Variants in TRIM46 observed in about 807,000 individuals in gnomAD.
The protein encoded by TRIM46 is tripartite motif-containing protein 46.
In TRIM46, 17 loss-of-function variants were observed where a neutral mutation model predicts 69.7. That is an observed-to-expected ratio of 0.24 (90% CI 0.17 to 0.37). TRIM46 has a LOEUF of 0.37. TRIM46 is among the 10% of genes least tolerant of loss of function. The pLI is 1.00. For missense variants in TRIM46, 675 were observed against 1,025.1 expected, an observed-to-expected ratio of 0.66 and a Z score of 4.66; for synonymous variants, 391 against 429.0, an observed-to-expected ratio of 0.91 and a Z score of 1.09.
intron 9 of TRIM46, chr1:155,182,480 C>G: frequency 2.1e-6 from 1 of 480,808 alleles, no homozygotes; most frequent in South Asian, 4.1e-5. Flanking sequence ...CTTCCTAACA[C>G]TCCATTTCCA....
chr1:155,175,944 T>C lies in TRIM46; in HGVS notation c.382T>C (p.Phe128Leu). The C allele has an allele frequency of 6.2e-7, 1 of 1,605,742 alleles. No homozygotes were observed. The highest frequency in any genetic ancestry group is 1.3e-5 in the African/African-American group (1 of 74,956). Residue 128 changes from phenylalanine (F) to leucine (L), a missense_variant, in exon 3 of 10, where the codon TTC (phenylalanine) becomes CTC (leucine). Physicochemically the swap from Phe to Leu is conservative, Grantham distance 22. Transcript: ENST00000334634. This position sits in a 1 kb window ranked among gnomAD's most constrained non-coding sequence, Gnocchi z 4.2. ...TGCTTTGCACCCCCAAGTGATCATG[T>C]TCCCGTGCCCAGCCTGCCAAGGTGA... is the stretch of plus-strand genomic sequence containing the variant. ...RGALHPQVIM[F>L]PCPACQGDVE...
At position 155,181,820 on chromosome 1, in the gene TRIM46, T is replaced by C; in HGVS notation, c.1589-32T>C. ...GTGCCAGTGTTTGTCCCTGAAGTTC[T>C]TGCTCCATCTCAACCCTCTCCCTCC... On this transcript the variant is annotated intron_variant, in intron 8 of 9. Coordinates refer to ENST00000334634, the MANE Select transcript of TRIM46 (RefSeq NM_025058.5). This position sits in a 1 kb window ranked among gnomAD's most constrained non-coding sequence, Gnocchi z 4.3. The C allele has an allele frequency of 6.3e-7, 1 of 1,585,478 alleles. No individual in the cohort carries two copies. The highest frequency in any genetic ancestry group is 8.6e-7 in the Non-Finnish European group (1 of 1,161,612).
intron 1 of TRIM46, chr1:155,174,576 C>T: frequency 6.6e-7 from 1 of 1,519,776 alleles, no homozygotes; most frequent in Non-Finnish European, 8.8e-7. Context: ...TCCCCCCCTC[C>T]TTGTTCCTCC....
intron 5 of TRIM46, 64 bp from the exon 6 acceptor site, chr1:155,177,938 C>A: frequency 4.4e-6 from 7 of 1,575,340 alleles, no homozygotes; most frequent in Admixed American, 3.5e-5. Flanking sequence ...GAGGCCAGCA[C>A]AAGTGCTGCC....
At chr1:155,182,249 G>T in intron 9 of TRIM46, 100 bp downstream of exon 9, 1 of 1,291,560 alleles carries the variant, frequency 7.7e-7, no homozygotes. Context: ...GGGTGGGGCT[G>T]GGAGGGGATT....
At chr1:155,176,307 G>A in intron 3 of TRIM46, 76 bp downstream of exon 3, 2 of 1,339,966 alleles carry the variant, frequency 1.5e-6, no homozygotes, top group Non-Finnish European at 2.0e-6. Context: ...GGCATTGTGG[G>A]TTTCCAAAAG....
rs1450420695 is a variant in TRIM46 at position 155,175,117 on chromosome 1, G to C, written c.64-269G>C. 7.3e-7 allele frequency: 1 copy of C among 1,374,016 alleles called. No individual in the cohort carries two copies. The highest frequency in any genetic ancestry group is 1.5e-5 in the African/African-American group (1 of 67,052). The allele number at this position is 1,374,016 out of a possible 1,614,324, so 85.1% of individuals were successfully genotyped here. A position where few individuals can be genotyped will look rare whatever the true frequency, so the allele number is the denominator to read the frequency against. On this transcript the variant is annotated intron_variant, in intron 1 of 9. Coordinates refer to ENST00000334634, the MANE Select transcript of TRIM46 (RefSeq NM_025058.5). This position sits in a 1 kb window ranked among gnomAD's most constrained non-coding sequence, Gnocchi z 4.2. ...CTGCCAGCTGGGGCTACTGCAGCTG[G>C]AGAAATGGGGATTGGGCTTGAGGCT...
rs376790392 is a variant in TRIM46, at chr1:155,178,564, C to T, written c.1236C>T (p.Leu412=). The T allele has an allele frequency of 3.9e-5, 63 of 1,613,960 alleles. No homozygotes were observed. The highest frequency in any genetic ancestry group is 5.0e-5 in the Non-Finnish European group (59 of 1,180,028). Reference sequence around the variant, plus strand: ...GCTCCTCCTTCCGCCATTGCCAGCTCGACGTGGGACGTGAGATGAAGCTGC... The same window carrying T: ...GCTCCTCCTTCCGCCATTGCCAGCTTGACGTGGGACGTGAGATGAAGCTGC... The part of the protein sequence containing the change: ...AASSSFRHCQ[L]DVGREMKLLT... Residue 412 remains leucine (L), a synonymous_variant, in exon 7 of 10, where the codon CTC becomes CTT. Coordinates refer to ENST00000334634, the MANE Select transcript of TRIM46 (RefSeq NM_025058.5).
At chr1:155,180,134 T>C (rs878912691) in intron 8 of TRIM46, among the ~76,000 whole-genome samples, 200 bp downstream of exon 8, 2 of 152,220 alleles carry the variant, frequency 1.3e-5, no homozygotes, top group South Asian at 4.1e-4. Context: ...TGGCAAGTTT[T>C]TACCCTCTCT....
chr1:155,177,972 C>T (rs778719174), intron 5 of TRIM46, 30 bp from the exon 6 acceptor site: 13 of 1,604,044 alleles, frequency 8.1e-6, no homozygotes, highest in African/African-American at 1.3e-5. Context: ...TAGTAAGTCA[C>T]GCATCCTTTG....
intron 8 of TRIM46, chr1:155,180,465 C>T (rs892346408): frequency 7.0e-6 from 3 of 430,132 alleles, no homozygotes; most frequent in Admixed American, 3.8e-5. Flanking sequence ...CGTGGTGGTG[C>T]GTGCCTACAA....
chr1:155,176,410 C>G (rs1277583213), intron 3 of TRIM46, among the ~76,000 whole-genome samples, 179 bp downstream of exon 3: 1 of 152,248 alleles, frequency 6.6e-6, no homozygotes, highest in Non-Finnish European at 1.5e-5. Flanking sequence ...GGGCCTCCAT[C>G]TCATTTACAT....
chr1:155,180,000 G>A, intron 8 of TRIM46, 66 bp downstream of exon 8: 1 of 1,490,700 alleles, frequency 6.7e-7, no homozygotes, highest in Non-Finnish European at 9.0e-7. Flanking sequence ...GGCCCTGACG[G>A]TTGGTTCCGG....
Position 155,177,190 on chromosome 1 carries a change from C to A in TRIM46, c.814-5C>A, listed in dbSNP as rs190711334. On this transcript the variant is annotated splice_region_variant and splice_polypyrimidine_tract_variant and intron_variant, in intron 4 of 9. Transcript: ENST00000334634. ...CTTGATGCCCACCTCTTTCTTCCCCCTCAGGACAAGCTGACAAAGAGCCTG... is the reference window on the plus strand; with the variant it reads ...CTTGATGCCCACCTCTTTCTTCCCCATCAGGACAAGCTGACAAAGAGCCTG... 6.2e-7 allele frequency: 1 copy of A among 1,614,064 alleles called. No individual in the cohort carries two copies. Among genetic ancestry groups the A allele is most frequent in the Admixed American group, 1.7e-5 (1 of 60,008 alleles).
intron 7 of TRIM46, 126 bp downstream of exon 7, chr1:155,178,739 T>TGGCGCCCC: frequency 7.4e-7 from 1 of 1,348,474 alleles, no homozygotes; most frequent in Non-Finnish European, 1.0e-6. Context: ...CAGCCATTCC[T>TGGCGCCCC]CCCACCCAGC....
chr1:155,175,463 C>T lies in TRIM46; in HGVS notation c.141C>T (p.Pro47=), dbSNP rs1486275932. 1.9e-6 allele frequency: 3 copies of T among 1,614,054 alleles called. No homozygotes were observed. The highest frequency in any genetic ancestry group is 2.5e-6 in the Non-Finnish European group (3 of 1,180,006). ...QEMYKQPLVL[P]CTHNVCQACA... is the part of the protein sequence containing the mutation. ...TGTACAAGCAGCCACTGGTGCTGCC[C>T]TGTACCCACAACGTGTGCCAGGCCT... The change falls in exon 2 of 10, where the codon CCC becomes CCT. Residue 47 remains proline, a synonymous_variant. Coordinates refer to ENST00000334634, the MANE Select transcript of TRIM46 (RefSeq NM_025058.5). The surrounding 1 kb of genome is among the most constrained non-coding windows in gnomAD (Gnocchi z 4.2).
chr1:155,175,610 C>T lies in TRIM46; in HGVS notation c.288C>T (p.Leu96=), dbSNP rs771035303. 1.2e-6 allele frequency: 2 copies of T among 1,613,852 alleles called. No homozygotes were observed. Among genetic ancestry groups the T allele is most frequent in the South Asian group, 1.1e-5 (1 of 91,082 alleles). Residue 96 remains leucine, a synonymous_variant, in exon 2 of 10, where the codon CTC becomes CTT. Coordinates refer to ENST00000334634, the MANE Select transcript of TRIM46 (RefSeq NM_025058.5). The surrounding 1 kb of genome is among the most constrained non-coding windows in gnomAD (Gnocchi z 4.2). ...GCCCCCGCCTCTCCCGCAGAACTCT[C>T]CCCAAGCCAGACCGCCTGGACCGGC... ...TRSPRLSRRT[L]PKPDRLDRLL...
At position 155,183,842 on chromosome 1, in the gene TRIM46, A is replaced by T. The variant is rs755359953; in HGVS notation, c.1932A>T (p.Thr644=). 6.2e-7 allele frequency: 1 copy of T among 1,610,638 alleles called. No homozygotes were observed. The highest frequency in any genetic ancestry group is 8.5e-7 in the Non-Finnish European group (1 of 1,180,012). ...SGHDSGAEDA[T]VEASPPFAFL... ...ACGACAGCGGTGCCGAGGATGCCACAGTGGAGGCGTCGCCACCCTTCGCTT... is the reference window on the plus strand; with the variant it reads ...ACGACAGCGGTGCCGAGGATGCCACTGTGGAGGCGTCGCCACCCTTCGCTT... The change falls in exon 10 of 10, where the codon ACA becomes ACT. Residue 644 remains threonine, a synonymous_variant. Transcript: ENST00000334634.
rs757228355 is a variant in TRIM46, at chr1:155,179,645, C to T, written c.1299C>T (p.Pro433=). 1.1e-5 allele frequency: 18 copies of T among 1,599,970 alleles called. No individual in the cohort carries two copies. Among genetic ancestry groups the T allele is most frequent in the African/African-American group, 8.0e-5 (6 of 74,778 alleles). ...ELNFLRVPEA[P]VIDTQRTFAY... ...CTCTTCCAACAGTGCCTGAGGCCCCCGTCATTGACACCCAGCGCACCTTTG... is the reference window on the plus strand; with the variant it reads ...CTCTTCCAACAGTGCCTGAGGCCCCTGTCATTGACACCCAGCGCACCTTTG... Residue 433 remains proline, a synonymous_variant, in exon 8 of 10, where the codon CCC becomes CCT. Coordinates refer to ENST00000334634, the MANE Select transcript of TRIM46 (RefSeq NM_025058.5).
Sources: allele counts gnomAD v4.1 joint callset (sites outside exome capture counted in the v4.1 genomes callset), GRCh38; gene constraint gnomAD v4.1.1; non-coding constraint Gnocchi (gnomAD v3.1); transcripts MANE v1.5; gene names NCBI Gene and HGNC (gene_info 2026-07-23, HGNC 2026-07-21).